TOP6BL: variants seen among roughly 807,000 people sequenced by gnomAD.
The protein encoded by TOP6BL is TOP6B like initiator of meiotic double strand breaks.
chr11:66,841,712 C>A, the TOP6BL span, among the ~76,000 whole-genome samples: 6 of 152,286 alleles, frequency 3.9e-5, no homozygotes, highest in East Asian at 1.2e-3. Context: ...CCCAGTTACT[C>A]GAGAGGATGA....
the TOP6BL span, among the ~76,000 whole-genome samples, chr11:66,749,848 G>T: frequency 2.6e-5 from 4 of 152,256 alleles, no homozygotes; most frequent in South Asian, 2.1e-4. Flanking sequence ...AAAGGGCTGG[G>T]ATTACAAACG....
the TOP6BL span, among the ~76,000 whole-genome samples, chr11:66,768,985 T>C: frequency 6.6e-6 from 1 of 152,186 alleles, no homozygotes; most frequent in African/African-American, 2.4e-5. Flanking sequence ...CTTAAAATGC[T>C]TGAACTGTTA....
the TOP6BL span, among the ~76,000 whole-genome samples, chr11:66,813,522 C>T: frequency 6.6e-6 from 1 of 152,130 alleles, no homozygotes; most frequent in Admixed American, 6.5e-5. Context: ...ATCACGAGGT[C>T]AAGAGATCGA....
chr11:66,752,570 G>C, the TOP6BL span, among the ~76,000 whole-genome samples: 1 of 152,078 alleles, frequency 6.6e-6, no homozygotes, highest in African/African-American at 2.4e-5. Context: ...TCCTGCCTCA[G>C]CCTCCTGAGT....
chr11:66,796,350 A>G, the TOP6BL span: 2 of 1,608,878 alleles, frequency 1.2e-6, no homozygotes, highest in Non-Finnish European at 1.7e-6. Context: ...TAAAATCATC[A>G]TGGTGCACCC....
chr11:66,842,756 C>T, the TOP6BL span: 4 of 1,288,514 alleles, frequency 3.1e-6, no homozygotes, highest in Admixed American at 8.1e-5. Context: ...GGAAGAGCCC[C>T]TCGGCGCCCG....
the TOP6BL span, chr11:66,815,851 T>C: frequency 1.0e-5 from 5 of 489,074 alleles, no homozygotes. Flanking sequence ...ACATAGTTAC[T>C]ATTTTAATGT....
the TOP6BL span, among the ~76,000 whole-genome samples, chr11:66,765,858 C>A: frequency 6.6e-6 from 1 of 152,146 alleles, no homozygotes; most frequent in African/African-American, 2.4e-5. Context: ...CTCAGTGAAC[C>A]TCACAAAGGA....
chr11:66,758,302 C>CTTCTTTTTTTT, the TOP6BL span: 2 of 67,318 alleles, frequency 3.0e-5, no homozygotes, highest in African/African-American at 1.4e-4. Flanking sequence ...TTTTCTTTTT[C>CTTCTTTTTTTT]TTTTTTTTTT....
the TOP6BL span, chr11:66,761,615 G>C: frequency 8.3e-7 from 1 of 1,197,820 alleles, no homozygotes; most frequent in Non-Finnish European, 1.2e-6. Flanking sequence ...TTCAAGAAAA[G>C]TAATGTACGC....
the TOP6BL span, among the ~76,000 whole-genome samples, chr11:66,821,245 T>A: frequency 1.3e-5 from 2 of 152,054 alleles, no homozygotes; most frequent in Non-Finnish European, 2.9e-5. Context: ...AATTCATCAG[T>A]GTATTAGTAA....
chr11:66,803,171 G>A, the TOP6BL span, among the ~76,000 whole-genome samples: 1 of 152,168 alleles, frequency 6.6e-6, no homozygotes, highest in African/African-American at 2.4e-5. Context: ...AAGTATCATG[G>A]GGCCAGTTTT....
chr11:66,746,441 G>C, the TOP6BL span, among the ~76,000 whole-genome samples: 1 of 151,974 alleles, frequency 6.6e-6, no homozygotes, highest in African/African-American at 2.4e-5. Flanking sequence ...ACAAAAATTA[G>C]CGGTGGCTCA....
the TOP6BL span, among the ~76,000 whole-genome samples, chr11:66,809,443 T>C: frequency 6.6e-6 from 1 of 152,300 alleles, no homozygotes; most frequent in East Asian, 1.9e-4. Context: ...GTTAAAATTA[T>C]AATCCACGTA....
chr11:66,818,068 T>G, the TOP6BL span, among the ~76,000 whole-genome samples: 1 of 152,072 alleles, frequency 6.6e-6, no homozygotes, highest in Admixed American at 6.6e-5. Context: ...TGTTCTCCTT[T>G]CTCTATGGGC....
chr11:66,800,371 A>G, the TOP6BL span, among the ~76,000 whole-genome samples: 1 of 152,152 alleles, frequency 6.6e-6, no homozygotes, highest in Admixed American at 6.5e-5. Context: ...AAAATAGCTG[A>G]GAGTAAATTT....
At chr11:66,772,816 ATTTTC>A in the TOP6BL span, among the ~76,000 whole-genome samples, 38 of 152,192 alleles carry the variant, frequency 2.5e-4, no homozygotes, top group Admixed American at 1.2e-3. Context: ...GATATGTGTA[ATTTTC>A]TTTTCTTGTA....
the TOP6BL span, among the ~76,000 whole-genome samples, chr11:66,836,698 TG>T: frequency 1.8e-4 from 12 of 67,354 alleles, no homozygotes; most frequent in African/African-American, 6.4e-4. Context: ...ACAGAAAATA[TG>T]ATTTTTTTTT....
the TOP6BL span, among the ~76,000 whole-genome samples, chr11:66,832,888 C>T: frequency 6.6e-6 from 1 of 152,130 alleles, no homozygotes; most frequent in Non-Finnish European, 1.5e-5. Flanking sequence ...CAGGGCCACA[C>T]TCCTTCCAAA....
Sources: gnomAD v4.1 joint callset for allele counts (sites outside exome capture counted in the v4.1 genomes callset) on GRCh38, gnomAD v4.1.1 for gene constraint, MANE v1.5 for transcripts, NCBI Gene and HGNC (gene_info 2026-07-23, HGNC 2026-07-21) for gene names.